Variants in PLEKHA5 observed in about 807,000 individuals in gnomAD.
PLEKHA5 encodes the protein pleckstrin homology domain containing A5.
PLEKHA5 carries 55 observed loss-of-function variants against 181.9 expected under a neutral mutation model. The ratio of observed to expected loss-of-function variants is 0.30; its 90% CI spans 0.24 to 0.38. PLEKHA5 has a LOEUF of 0.38. Among genes scored for constraint, PLEKHA5 ranks in the 10% least tolerant of loss-of-function variants. PLEKHA5 has a pLI of 1.00. For synonymous variants in PLEKHA5, 535 were observed against 529.4 expected (o/e 1.01, Z -0.15); for missense variants, 1,432 against 1,549.5 (o/e 0.92, Z 1.27).
intron 3 of PLEKHA5, among the ~76,000 whole-genome samples, chr12:19,233,276 A>C: frequency 6.6e-6 from 1 of 152,216 alleles, no homozygotes; most frequent in South Asian, 2.1e-4. Context: ...CCTCTGTTTA[A>C]ACTTGGGATT....
rs565615226 is a variant in PLEKHA5 at position 19,163,413 on chromosome 12, G to A, written c.227+30963G>A. 9.6e-4 allele frequency among the ~76,000 whole-genome samples: 146 copies of A among 152,128 alleles called. 2 individuals carry two copies. The highest frequency in any genetic ancestry group is 3.4e-3 in the African/African-American group (143 of 41,506). Reference sequence around the variant, plus strand: ...AGGATGGTCTCAATCTCCTGACCTCGTGATCCGCCCACCTCGGCCTACCAA... The same window carrying A: ...AGGATGGTCTCAATCTCCTGACCTCATGATCCGCCCACCTCGGCCTACCAA... On this transcript the variant is annotated intron_variant, in intron 3 of 31. Transcript: ENST00000429027.
At chr12:19,354,052 T>G (rs2094760719) in intron 26 of PLEKHA5, 50 bp downstream of exon 26, 1 of 875,272 alleles carries the variant, frequency 1.1e-6, no homozygotes, top group Non-Finnish European at 1.8e-6. Context: ...ATCTATTTAT[T>G]GCTTTCTTAC....
At chr12:19,261,099 AG>A in intron 7 of PLEKHA5, 78 bp downstream of exon 7, 1 of 729,792 alleles carries the variant, frequency 1.4e-6, no homozygotes, top group Admixed American at 2.1e-5. Context: ...TACTTTAAAA[AG>A]TATTGTAACT....
intron 5 of PLEKHA5, 130 bp downstream of exon 5, chr12:19,255,295 T>C (rs2066555886): frequency 7.6e-6 from 4 of 525,206 alleles, no homozygotes; most frequent in Non-Finnish European, 8.9e-6. Flanking sequence ...AGGTAATTGA[T>C]ATAAGAAGCA....
intron 1 of PLEKHA5, 52 bp from the exon 2 acceptor site, chr12:19,129,998 GC>G: frequency 6.8e-7 from 1 of 1,476,510 alleles, no homozygotes; most frequent in Non-Finnish European, 9.2e-7. Context: ...CCCTCGGCTC[GC>G]CCCCGCGTCC....
intron 3 of PLEKHA5, among the ~76,000 whole-genome samples, chr12:19,202,433 G>A (rs2054396914): frequency 6.6e-6 from 1 of 152,030 alleles, no homozygotes; most frequent in Non-Finnish European, 1.5e-5. Flanking sequence ...CTAGAGCAGT[G>A]GTTCTTAATC....
At chr12:19,319,994 C>A in intron 16 of PLEKHA5, 27 bp from the exon 17 acceptor site, 1 of 1,343,760 alleles carries the variant, frequency 7.4e-7, no homozygotes, top group Admixed American at 2.4e-5. Context: ...TCAATTAAAC[C>A]CATCCTTTTC....
At chr12:19,342,208 G>A (rs1437154464) in intron 21 of PLEKHA5, among the ~76,000 whole-genome samples, 1 of 152,100 alleles carries the variant, frequency 6.6e-6, no homozygotes, top group Non-Finnish European at 1.5e-5. Flanking sequence ...TACATTCCTA[G>A]AATAGTGTTT....
At chr12:19,140,222 T>A (rs1243314735) in intron 3 of PLEKHA5, among the ~76,000 whole-genome samples, 1 of 152,214 alleles carries the variant, frequency 6.6e-6, no homozygotes, top group Non-Finnish European at 1.5e-5. Flanking sequence ...TTATAGTATG[T>A]TAGACTACAC....
intron 21 of PLEKHA5, among the ~76,000 whole-genome samples, chr12:19,340,814 G>A (rs2093847222): frequency 6.7e-6 from 1 of 149,942 alleles, no homozygotes; most frequent in Non-Finnish European, 1.5e-5. Flanking sequence ...CTCAAACACT[G>A]CGGAAGGCCG....
chr12:19,322,541 A>G lies in PLEKHA5; in HGVS notation c.2322A>G (p.Leu774=), dbSNP rs1370050120. 6.8e-6 allele frequency: 11 copies of G among 1,613,922 alleles called. No homozygotes were observed. The highest frequency in any genetic ancestry group is 5.5e-5 in the South Asian group (5 of 91,094). ...AGTACACGCTTGAGCAAGCTTTGCT[A>G]TCAGCCAGCCAAGAGATAGAAATGC... ...KEKYTLEQAL[L]SASQEIEMHA... is the part of the protein sequence containing the mutation. The change falls in exon 20 of 32, where the codon CTA becomes CTG. Residue 774 remains leucine, a synonymous_variant. Coordinates refer to ENST00000429027, the MANE Select transcript of PLEKHA5 (RefSeq NM_001256470.2).
At chr12:19,179,814 C>G (rs1025448765) in intron 3 of PLEKHA5, among the ~76,000 whole-genome samples, 14 of 152,008 alleles carry the variant, frequency 9.2e-5, no homozygotes, top group African/African-American at 3.1e-4. Context: ...TTTGTAAAGA[C>G]ACACAATAAT....
In PLEKHA5 at chr12:19,314,830, C is replaced by G. The variant is rs1037403752; in HGVS notation, c.2054C>G (p.Pro685Arg). 9 of 1,542,032 alleles carry G rather than the reference C, an allele frequency of 5.8e-6. No individual in the cohort carries two copies. Among genetic ancestry groups the G allele is most frequent in the African/African-American group, 1.4e-5 (1 of 72,770 alleles). ...YLDHQMKENE[P>R]IITMVHTMIE... is the part of the protein sequence containing the mutation. ...TTGAAATAGATGAAAGAAAATGAAC[C>G]TATTATCACCATGGTTCACACAATG... The change falls in exon 16 of 32, where the codon CCT (proline) becomes CGT (arginine). Residue 685 changes from proline to arginine, a missense_variant. Pro to Arg is a moderately radical substitution (Grantham distance 103). Transcript: ENST00000429027.
At position 19,290,751 on chromosome 12, in the gene PLEKHA5, G is replaced by A. The variant is rs1028777915; in HGVS notation, c.1938G>A (p.Thr646=). 3.3e-5 allele frequency: 51 copies of A among 1,535,854 alleles called. No individual in the cohort carries two copies. Among genetic ancestry groups the A allele is most frequent in the Non-Finnish European group, 4.3e-5 (49 of 1,146,548 alleles). The change falls in exon 14 of 32, where the codon ACG becomes ACA. Residue 646 remains threonine (T), a synonymous_variant. Coordinates refer to ENST00000429027, the MANE Select transcript of PLEKHA5 (RefSeq NM_001256470.2). ...AACTGAGTAGTATCCGGGAGCATACGTTAGCACAGCTCATGCAGCTAAAGC... is the reference window on the plus strand; with the variant it reads ...AACTGAGTAGTATCCGGGAGCATACATTAGCACAGCTCATGCAGCTAAAGC... ...QAELSSIREH[T]LAQLMQLKLE...
intron 3 of PLEKHA5, among the ~76,000 whole-genome samples, chr12:19,185,721 G>A (rs1301533804): frequency 5.3e-5 from 8 of 152,134 alleles, no homozygotes; most frequent in Admixed American, 5.2e-4. Flanking sequence ...GAATGCCTGT[G>A]TACTTAACAT....
intron 20 of PLEKHA5, among the ~76,000 whole-genome samples, chr12:19,329,555 A>G (rs2092639683): frequency 6.6e-6 from 1 of 152,056 alleles, no homozygotes; most frequent in Non-Finnish European, 1.5e-5. Flanking sequence ...TCCTGATTCA[A>G]TCTTGGGAGA....
Position 19,357,550 on chromosome 12 carries a change from C to T in PLEKHA5, c.3139-678C>T, listed in dbSNP as rs536794185. ...CGTGAGCCACTGCACCCAGCCTGCC[C>T]TGCCCTTTTATGGTGGTGGTGATGG... On this transcript the variant is annotated intron_variant, in intron 26 of 31. Coordinates refer to ENST00000429027, the MANE Select transcript of PLEKHA5 (RefSeq NM_001256470.2). 3.2e-4 allele frequency among the ~76,000 whole-genome samples: 48 copies of T among 152,026 alleles called. No individual in the cohort carries two copies. In the South Asian group the frequency reaches 4.4e-3, roughly 14 times the overall value.
intron 3 of PLEKHA5, among the ~76,000 whole-genome samples, chr12:19,252,081 C>T (rs930722150): frequency 1.3e-5 from 2 of 152,078 alleles, no homozygotes; most frequent in Admixed American, 1.3e-4. Flanking sequence ...ATTAATGATT[C>T]TACTCTTACA....
chr12:19,146,555 A>G (rs2038972568), intron 3 of PLEKHA5, among the ~76,000 whole-genome samples: 1 of 152,238 alleles, frequency 6.6e-6, no homozygotes, highest in Non-Finnish European at 1.5e-5. Context: ...AAGTATATAC[A>G]TGTAATGCTG....
Sources: gnomAD v4.1 joint callset for allele counts (sites outside exome capture counted in the v4.1 genomes callset) on GRCh38, gnomAD v4.1.1 for gene constraint, MANE v1.5 for transcripts, NCBI Gene and HGNC (gene_info 2026-07-23, HGNC 2026-07-21) for gene names.